WDR62: variants seen among roughly 807,000 people sequenced by gnomAD.
The protein encoded by WDR62 is WD repeat domain 62, also known as WD repeat-containing protein 62.
A neutral mutation model predicts 160.6 loss-of-function variants in WDR62; 112 were observed. That is an observed-to-expected ratio of 0.70 (90% confidence interval 0.60 to 0.82). WDR62 has a LOEUF of 0.82. Among genes scored for constraint, WDR62 ranks in the 40% least tolerant of loss-of-function variants. The pLI is 0.00. For synonymous variants in WDR62, 792 were observed against 815.1 expected (o/e 0.97, Z 0.48); for missense variants, 1,819 against 1,983.8 (o/e 0.92, Z 1.58).
intron 21 of WDR62, among the ~76,000 whole-genome samples, chr19:36,097,528 A>G (rs948855349): frequency 8.6e-5 from 13 of 150,608 alleles, no homozygotes; most frequent in African/African-American, 3.2e-4. Flanking sequence ...TAGGGAACTG[A>G]GAAGGCACCA....
At chr19:36,059,023 A>G in intron 2 of WDR62, 152 bp downstream of exon 2, 1 of 735,694 alleles carries the variant, frequency 1.4e-6, no homozygotes. Flanking sequence ...AGAGGATTCC[A>G]TAGCCCCCTC....
chr19:36,073,526 G>T lies in WDR62; in HGVS notation c.1228G>T (p.Val410Leu), dbSNP rs139460397. Residue 410 changes from valine to leucine, a missense_variant, in exon 9 of 32, where the codon GTG (valine) becomes TTG (leucine). By Grantham distance (32) the Val-to-Leu change is conservative (BLOSUM62 1). This residue lies in a region of WDR62 where 934 missense variants were observed against 1,157.2 expected (regional missense o/e 0.81). Transcript: ENST00000401500. ...CTTCCACAGCTCCTACGTTTGGAAC[G>T]TGGAGGTGAGCCCCCCCCCCACCCC... ...ELFHSSYVWN[V>L]EVYPEFEDQR... The T allele has an allele frequency of 1.6e-4, 252 of 1,613,054 alleles. No individual in the cohort carries two copies. The African/African-American group carries it at 2.6e-3, about 17-fold the overall frequency.
chr19:36,084,587 T>C (rs1448790133), intron 11 of WDR62, 66 bp from the exon 12 acceptor site: 4 of 1,506,076 alleles, frequency 2.7e-6, no homozygotes, highest in Non-Finnish European at 3.7e-6. Context: ...TTCTGACCTA[T>C]TCTAGAAGTG....
At chr19:36,091,083 C>G in intron 16 of WDR62, 117 bp from the exon 17 acceptor site, 1 of 845,584 alleles carries the variant, frequency 1.2e-6, no homozygotes, top group Non-Finnish European at 2.0e-6. Context: ...AGCGGGAGCT[C>G]CTGCCCTGCC....
At chr19:36,061,948 CT>C (rs113899978) in intron 3 of WDR62, 12,561 of 144,932 alleles carry the variant, frequency 0.087, 496 homozygotes, top group South Asian at 0.13. Flanking sequence ...GCTTTTTTTT[CT>C]TTTTTTTTTT....
chr19:36,091,651 C>G (rs1441656494), intron 18 of WDR62, among the ~76,000 whole-genome samples, 186 bp downstream of exon 18: 1 of 152,170 alleles, frequency 6.6e-6, no homozygotes, highest in Non-Finnish European at 1.5e-5. Context: ...AACCCCAGCA[C>G]TTTGGGACGC....
chr19:36,059,946 A>G, intron 2 of WDR62, 22 bp from the exon 3 acceptor site: 1 of 1,614,046 alleles, frequency 6.2e-7, no homozygotes, highest in Non-Finnish European at 8.5e-7. Context: ...CAGTTGAGGC[A>G]CATTTTCCTC....
intron 7 of WDR62, among the ~76,000 whole-genome samples, 176 bp from the exon 8 acceptor site, chr19:36,071,380 G>C (rs1181882175): frequency 6.6e-6 from 1 of 152,092 alleles, no homozygotes; most frequent in Non-Finnish European, 1.5e-5. Context: ...TCTTTCAATA[G>C]CAGCAGTATG....
At chr19:36,097,171 C>T in intron 21 of WDR62, 92 bp downstream of exon 21, 1 of 1,247,738 alleles carries the variant, frequency 8.0e-7, no homozygotes, top group South Asian at 1.3e-5. Flanking sequence ...TTTCCATGTC[C>T]CTCTTTTCCC....
In WDR62 at chr19:36,081,920, AT is replaced by A. The variant is rs777039851; in HGVS notation, c.1371+352del. The A allele has an allele frequency of 1.3e-4, 63 of 478,072 alleles. 4 individuals are homozygous for A. Among genetic ancestry groups the A allele is most frequent in the East Asian group, 8.0e-4 (13 of 16,246 alleles). 29.6% of individuals were successfully genotyped at this position (478,072 alleles called of 1,614,324 possible). A position where few individuals can be genotyped will look rare whatever the true frequency, so the allele number is the denominator to read the frequency against. On this transcript the variant is annotated intron_variant, in intron 10 of 31. Coordinates refer to ENST00000401500, the MANE Select transcript of WDR62 (RefSeq NM_001083961.2). ...GGGAGAGCACCTGATGAGCCAGCCC[AT>A]TCAGCTGCCACACAGTGAGGCCTCA...
chr19:36,100,394 C>G (rs1056684576), intron 22 of WDR62, among the ~76,000 whole-genome samples: 6 of 152,222 alleles, frequency 3.9e-5, no homozygotes, highest in Non-Finnish European at 8.8e-5. Context: ...TGGGCAAAAT[C>G]TGGAGTGTTT....
At chr19:36,090,414 T>C in intron 15 of WDR62, 31 bp from the exon 16 acceptor site, 1 of 1,610,302 alleles carries the variant, frequency 6.2e-7, no homozygotes, top group Non-Finnish European at 8.5e-7. Context: ...GGCGGGGCCC[T>C]GTTGGCCGCA....
chr19:36,104,534 A>C lies in WDR62; in HGVS notation c.4170A>C (p.Leu1390Phe), dbSNP rs1008328. 0.76 allele frequency: 1,228,237 copies of C among 1,613,644 alleles called. 469,035 individuals carry two copies. Among genetic ancestry groups the C allele is most frequent in the Admixed American group, 0.8 (48,077 of 60,006 alleles). ...CTACCCCAGGTGCACTTGGTCTGTTACAGGGCAGCCCTGCCCGCTGGAGTG... is the reference window on the plus strand; with the variant it reads ...CTACCCCAGGTGCACTTGGTCTGTTCCAGGGCAGCCCTGCCCGCTGGAGTG... ...LEPTSGALGL[L>F]QGSPARWSEP... The change falls in exon 31 of 32, where the codon TTA (leucine) becomes TTC (phenylalanine). Residue 1390 changes from leucine (L) to phenylalanine (F), a missense_variant. Coordinates refer to ENST00000401500, the MANE Select transcript of WDR62 (RefSeq NM_001083961.2).
At chr19:36,068,962 GGGGCGGCGGCA>G (rs1971103228) in intron 7 of WDR62, among the ~76,000 whole-genome samples, 3 of 151,780 alleles carry the variant, frequency 2.0e-5, no homozygotes, top group South Asian at 2.1e-4. Context: ...TCTCCCGGAC[GGGGCGGCGGCA>G]GGGCGGAGGC....
At chr19:36,092,303 T>C in intron 18 of WDR62, among the ~76,000 whole-genome samples, 1 of 144,600 alleles carries the variant, frequency 6.9e-6, no homozygotes, top group African/African-American at 2.6e-5. Flanking sequence ...AGAGCAAGAC[T>C]CTCTCAAAAA....
chr19:36,088,620 G>A (rs1009367908), intron 13 of WDR62, among the ~76,000 whole-genome samples: 32 of 152,320 alleles, frequency 2.1e-4, no homozygotes, highest in African/African-American at 7.2e-4. Flanking sequence ...AGGAAGACCC[G>A]CTACATGCAT....
rs1299287275 is a variant in WDR62, at chr19:36,097,065, T to A, written c.2506T>A (p.Trp836Arg). The A allele has an allele frequency of 6.2e-7, 1 of 1,613,932 alleles. No homozygotes were observed. Among genetic ancestry groups the A allele is most frequent in the Admixed American group, 1.7e-5 (1 of 59,996 alleles). The change falls in exon 21 of 32, where the codon TGG (tryptophan) becomes AGG (arginine). Residue 836 changes from tryptophan (W) to arginine (R), a missense_variant. Trp to Arg is a moderately radical substitution (Grantham distance 101). Transcript: ENST00000401500. ...GCTAACCAACGGCAAGCTGCCACTG[T>A]GGGCAAAGCGGCTGGTAAGTCTTCA... ...CLLTNGKLPLWAKRLLGDDDV... is the reference protein window; with the variant it reads ...CLLTNGKLPLRAKRLLGDDDV...
chr19:36,073,787 C>T (rs1380931030), intron 9 of WDR62: 7 of 537,184 alleles, frequency 1.3e-5, no homozygotes, highest in African/African-American at 1.9e-5. Context: ...AAAAATGAGG[C>T]GGGGAAGGGG....
chr19:36,101,354 G>A lies in WDR62; in HGVS notation c.2971+37G>A, dbSNP rs756240577. 6.4e-6 allele frequency: 10 copies of A among 1,558,886 alleles called. No homozygotes were observed. In the South Asian group the frequency reaches 1.2e-4, roughly 18 times the overall value. On this transcript the variant is annotated intron_variant, in intron 24 of 31. Transcript: ENST00000401500. ...GCAGGCAGGGACCCTGTGACAGTCTGTGCGTTCAGCCAAGCCCCTTTCTGG... is the reference window on the plus strand; with the variant it reads ...GCAGGCAGGGACCCTGTGACAGTCTATGCGTTCAGCCAAGCCCCTTTCTGG...
Sources: gnomAD v4.1 joint callset for allele counts (sites outside exome capture counted in the v4.1 genomes callset) on GRCh38, gnomAD v4.1.1 for gene constraint, gnomAD v4.1.1 regional missense constraint, MANE v1.5 for transcripts, NCBI Gene and HGNC (gene_info 2026-07-23, HGNC 2026-07-21) for gene names.